The following MALRD1 variants were observed in gnomAD, a reference collection of about 807,000 sequenced individuals.
MALRD1 encodes MAM and LDL-receptor class A domain-containing protein 1.
A neutral mutation model predicts 242.1 loss-of-function variants in MALRD1; 247 were observed. The ratio of observed to expected loss-of-function variants is 1.02; its 90% CI spans 0.92 to 1.13. MALRD1 has a LOEUF of 1.13. Among genes scored for constraint, MALRD1 ranks in the 50% most tolerant of loss-of-function variants. The pLI, the probability that MALRD1 is intolerant of heterozygous loss-of-function variation, is 0.00. For missense variants in MALRD1, 2,989 were observed against 2,533.1 expected (o/e 1.18, Z -3.86); for synonymous variants, 995 against 866.6 (o/e 1.15, Z -2.60).
At chr10:19,697,070 G>C (rs890149289) in intron 38 of MALRD1, among the ~76,000 whole-genome samples, 2 of 152,048 alleles carry the variant, frequency 1.3e-5, no homozygotes, top group South Asian at 2.1e-4. Flanking sequence ...TAAACCACTA[G>C]GTGAAATACT....
chr10:19,171,986 A>ATACAC lies in MALRD1; in HGVS notation c.1831-3222_1831-3221insTACAC, dbSNP rs373788788. Among the ~76,000 whole-genome samples, 6 of 7,638 alleles carry ATACAC rather than the reference A, an allele frequency of 7.9e-4. 2 individuals carry two copies. The East Asian group carries it at 0.031, about 40-fold the overall frequency. The allele number at this position is 7,638 out of a possible 152,430, so 5.0% of individuals were successfully genotyped here. Reference sequence around the variant, plus strand: ...CACATATATGTGATATATATCATATAATATATGTATATATCACATATATGT... The same window carrying ATACAC: ...CACATATATGTGATATATATCATATATACACATATATGTATATATCACATATATGT... On this transcript the variant is annotated intron_variant, in intron 13 of 39. Transcript: ENST00000454679.
chr10:19,361,603 C>T (rs1043113150), intron 26 of MALRD1, among the ~76,000 whole-genome samples: 75 of 152,050 alleles, frequency 4.9e-4, no homozygotes, highest in African/African-American at 1.7e-3. Context: ...GTTGGCTTAT[C>T]CCTAGTTAAA....
chr10:19,557,883 T>C (rs1378145689), intron 32 of MALRD1, among the ~76,000 whole-genome samples: 3 of 152,128 alleles, frequency 2.0e-5, no homozygotes, highest in African/African-American at 4.8e-5. Context: ...CTTGAAAATA[T>C]TGAGTCTTCC....
intron 1 of MALRD1, among the ~76,000 whole-genome samples, chr10:19,062,925 T>C (rs1207970104): frequency 1.3e-5 from 2 of 152,226 alleles, no homozygotes; most frequent in Middle Eastern, 3.4e-3. Flanking sequence ...GCTGGTGGAA[T>C]GCTTGAACCC....
chr10:19,700,307 C>T (rs570539738), intron 38 of MALRD1, among the ~76,000 whole-genome samples: 44 of 152,178 alleles, frequency 2.9e-4, no homozygotes, highest in African/African-American at 9.9e-4. Flanking sequence ...TTTCCTTGCT[C>T]GAGGCAGCAG....
At chr10:19,080,918 GA>G (rs1476502204) in intron 2 of MALRD1, among the ~76,000 whole-genome samples, 3 of 151,316 alleles carry the variant, frequency 2.0e-5, no homozygotes, top group Admixed American at 1.3e-4. Flanking sequence ...AAATTTTCAG[GA>G]AAAAAACAAA....
intron 29 of MALRD1, among the ~76,000 whole-genome samples, chr10:19,486,097 G>A (rs1046301774): frequency 4.6e-5 from 7 of 151,484 alleles, no homozygotes; most frequent in Admixed American, 3.3e-4. Flanking sequence ...GTGTAAAGAA[G>A]GAGAGATTGT....
At chr10:19,557,534 C>A (rs1195948467) in intron 32 of MALRD1, among the ~76,000 whole-genome samples, 1 of 151,744 alleles carries the variant, frequency 6.6e-6, no homozygotes, top group Non-Finnish European at 1.5e-5. Context: ...TCTGCATTAT[C>A]CTTTCTGCAT....
intron 5 of MALRD1, among the ~76,000 whole-genome samples, chr10:19,110,621 C>G (rs1836644747): frequency 6.6e-6 from 1 of 152,168 alleles, no homozygotes; most frequent in Admixed American, 6.5e-5. Context: ...AATGCAGCCT[C>G]TACTGCTGAC....
intron 29 of MALRD1, among the ~76,000 whole-genome samples, chr10:19,471,292 G>A (rs1836480757): frequency 6.6e-6 from 1 of 151,812 alleles, no homozygotes; most frequent in Admixed American, 6.6e-5. Context: ...TGGTCTATGG[G>A]TCTGGTTTTA....
At chr10:19,565,750 T>G (rs531379873) in intron 32 of MALRD1, among the ~76,000 whole-genome samples, 1 of 152,306 alleles carries the variant, frequency 6.6e-6, no homozygotes, top group Admixed American at 6.5e-5. Flanking sequence ...TCTTAGCTGC[T>G]TTTGTTAATT....
intron 29 of MALRD1, among the ~76,000 whole-genome samples, chr10:19,464,153 A>G (rs1836098598): frequency 6.6e-6 from 1 of 152,098 alleles, no homozygotes; most frequent in Non-Finnish European, 1.5e-5. Flanking sequence ...TTTTTCTCCC[A>G]TTCTGTAGGT....
At chr10:19,534,622 T>A (rs1028132041) in intron 32 of MALRD1, among the ~76,000 whole-genome samples, 2 of 152,070 alleles carry the variant, frequency 1.3e-5, no homozygotes, top group African/African-American at 4.8e-5. Flanking sequence ...TTTTCCCCCT[T>A]CTCTAATAAT....
At chr10:19,098,256 T>C (rs1836116792) in intron 4 of MALRD1, among the ~76,000 whole-genome samples, 1 of 152,214 alleles carries the variant, frequency 6.6e-6, no homozygotes, top group Admixed American at 6.5e-5. Context: ...TCTGGATTGT[T>C]AAACTAAATG....
chr10:19,213,489 C>T (rs1282958233), intron 18 of MALRD1, among the ~76,000 whole-genome samples: 1 of 152,196 alleles, frequency 6.6e-6, no homozygotes, highest in Non-Finnish European at 1.5e-5. Context: ...GCCTCGGCCT[C>T]GCAAAATGCT....
intron 22 of MALRD1, among the ~76,000 whole-genome samples, chr10:19,325,050 G>T (rs1588911916): frequency 1.9e-5 from 2 of 105,220 alleles, no homozygotes; most frequent in Admixed American, 1.3e-4. Context: ...TTACAATGCT[G>T]ATTGCCTAAT....
chr10:19,626,417 A>G (rs1839654050), intron 36 of MALRD1, among the ~76,000 whole-genome samples: 2 of 151,892 alleles, frequency 1.3e-5, no homozygotes, highest in African/African-American at 2.4e-5. Context: ...ATTGAAAAAG[A>G]AGAAACAAAT....
intron 29 of MALRD1, among the ~76,000 whole-genome samples, chr10:19,455,241 A>C (rs991417565): frequency 6.6e-6 from 1 of 152,238 alleles, no homozygotes. Context: ...AAGACAATTC[A>C]TATTGTAAAG....
At chr10:19,164,723 G>C (rs1834595029) in intron 12 of MALRD1, among the ~76,000 whole-genome samples, 1 of 152,086 alleles carries the variant, frequency 6.6e-6, no homozygotes, top group African/African-American at 2.4e-5. Context: ...GTAAATATTG[G>C]TTGAATCAAT....
Sources: gnomAD v4.1 joint callset for allele counts (sites outside exome capture counted in the v4.1 genomes callset) on GRCh38, gnomAD v4.1.1 for gene constraint, MANE v1.5 for transcripts, NCBI Gene and HGNC (gene_info 2026-07-23, HGNC 2026-07-21) for gene names.